NBEA: variants seen among roughly 807,000 people sequenced by gnomAD.
NBEA encodes the protein neurobeachin, also known as lysosomal-trafficking regulator 2.
Under a neutral mutation model 343.4 loss-of-function variants are expected in NBEA, and 44 were observed. That is an observed-to-expected ratio of 0.13 (90% CI 0.10 to 0.16). NBEA has a LOEUF of 0.16. Ranked by LOEUF, NBEA falls within the 10% of genes least tolerant of loss-of-function variation. The probability of loss-of-function intolerance (pLI) is 1.00; values close to 1 mark genes in which losing one functional copy is unlikely to be tolerated. For synonymous variants in NBEA, 1,175 were observed against 1,238.7 expected, an observed-to-expected ratio of 0.95 and a Z score of 1.08; for missense variants, 2,555 against 3,631.3, an observed-to-expected ratio of 0.70 and a Z score of 7.62.
intron 36 of NBEA, among the ~76,000 whole-genome samples, chr13:35,311,314 TAA>T (rs140991736): frequency 0.017 from 2,536 of 151,168 alleles, 26 homozygotes; most frequent in African/African-American, 0.025. Context: ...AACTGCGAAG[TAA>T]AAATATATAT....
intron 6 of NBEA, among the ~76,000 whole-genome samples, chr13:35,053,192 C>G (rs1379394660): frequency 6.6e-6 from 1 of 152,114 alleles, no homozygotes; most frequent in Non-Finnish European, 1.5e-5. Flanking sequence ...GTTTCACTTT[C>G]CTGCTCAGAA....
At chr13:35,541,186 C>G (rs1054425227) in intron 41 of NBEA, among the ~76,000 whole-genome samples, 13 of 151,848 alleles carry the variant, frequency 8.6e-5, no homozygotes, top group African/African-American at 3.1e-4. Context: ...TCCGTTGCCC[C>G]CCCACCCCCA....
intron 41 of NBEA, among the ~76,000 whole-genome samples, chr13:35,484,591 A>T (rs528761904): frequency 1.6e-3 from 187 of 116,548 alleles, no homozygotes; most frequent in Non-Finnish European, 2.0e-3. Context: ...GTGTTTAAAT[A>T]AAAAAAAAAT....
At chr13:35,354,603 G>GA (rs58770404) in intron 38 of NBEA, among the ~76,000 whole-genome samples, 3,329 of 149,608 alleles carry the variant, frequency 0.022, 121 homozygotes, top group African/African-American at 0.076. Context: ...CCAACTATCT[G>GA]AAAAAAAAAC....
At chr13:34,983,135 T>TA (rs1416388906) in intron 1 of NBEA, among the ~76,000 whole-genome samples, 1 of 152,190 alleles carries the variant, frequency 6.6e-6, no homozygotes, top group Non-Finnish European at 1.5e-5. Context: ...ACTCATCATT[T>TA]ACATTAGGTA....
chr13:35,185,369 A>T (rs2071620605), intron 30 of NBEA: 1 of 152,182 alleles, frequency 6.6e-6, no homozygotes, highest in South Asian at 2.1e-4. Context: ...GGAACAAATA[A>T]AGCTAGCAAA....
intron 45 of NBEA, among the ~76,000 whole-genome samples, chr13:35,573,243 T>G (rs1292801601): frequency 1.3e-5 from 2 of 152,214 alleles, no homozygotes; most frequent in Non-Finnish European, 2.9e-5. Flanking sequence ...ATTAATACTT[T>G]TATTCATTCA....
At chr13:35,513,600 A>G (rs2077370326) in intron 41 of NBEA, among the ~76,000 whole-genome samples, 1 of 151,946 alleles carries the variant, frequency 6.6e-6, no homozygotes, top group South Asian at 2.1e-4. Context: ...TTTTTTAAAT[A>G]TATTTCTAAT....
chr13:35,530,558 T>G (rs185777382), intron 41 of NBEA, among the ~76,000 whole-genome samples: 1 of 152,346 alleles, frequency 6.6e-6, no homozygotes, highest in Admixed American at 6.5e-5. Flanking sequence ...GTTTTTAGAT[T>G]TTCTGACACA....
chr13:35,199,795 TAAAC>T (rs1401148302), intron 31 of NBEA, among the ~76,000 whole-genome samples: 1 of 152,146 alleles, frequency 6.6e-6, no homozygotes, highest in Non-Finnish European at 1.5e-5. Context: ...TTAATTAAAA[TAAAC>T]CTTTTTTCTT....
chr13:35,243,959 C>T (rs1200141772), intron 34 of NBEA, among the ~76,000 whole-genome samples: 1 of 151,850 alleles, frequency 6.6e-6, no homozygotes, highest in Non-Finnish European at 1.5e-5. Flanking sequence ...TTCTAAAATG[C>T]ATATGGAGCA....
At chr13:35,604,471 G>A (rs1004342290) in intron 47 of NBEA, among the ~76,000 whole-genome samples, 1 of 150,416 alleles carries the variant, frequency 6.6e-6, no homozygotes, top group Non-Finnish European at 1.5e-5. Context: ...CCACAATAGG[G>A]CCCCTTTCTC....
At chr13:34,988,585 C>T (rs1027461986) in intron 1 of NBEA, among the ~76,000 whole-genome samples, 5 of 151,028 alleles carry the variant, frequency 3.3e-5, no homozygotes, top group East Asian at 3.9e-4. Flanking sequence ...TCTCTGTGGG[C>T]GTGGGATCCG....
At chr13:35,158,870 T>C (rs1016742174) in intron 21 of NBEA, 146 bp from the exon 22 acceptor site, 2 of 647,014 alleles carry the variant, frequency 3.1e-6, no homozygotes, top group South Asian at 2.8e-5. Context: ...AACTAAGCAC[T>C]TGCTTTAGGA....
chr13:35,165,684 CTTTTCT>C (rs202228060), intron 24 of NBEA, among the ~76,000 whole-genome samples: 2,286 of 146,770 alleles, frequency 0.016, 55 homozygotes, highest in African/African-American at 0.048. Context: ...CTTCTCTTTT[CTTTTCT>C]TTTTTTTTTT....
rs766782828 is a variant in NBEA, at chr13:35,040,946, A to T, written c.308A>T (p.Glu103Val). The change falls in exon 2 of 59, where the codon GAA becomes GTA. Residue 103 changes from glutamate (E) to valine (V), a missense_variant. By Grantham distance (121) the Glu-to-Val change is moderately radical. This residue lies in a region of NBEA where 185 missense variants were observed against 290.6 expected (regional missense o/e 0.64). Transcript: ENST00000379939. ...ETVLNLLVGG[E>V]FDLEMNFIIQ... ...GTTTACTTTCAGCTGGTTGGTGGAGAATTTGACTTGGAGATGAACTTTATT... is the reference window on the plus strand; with the variant it reads ...GTTTACTTTCAGCTGGTTGGTGGAGTATTTGACTTGGAGATGAACTTTATT... 8 of 1,612,680 alleles carry T rather than the reference A, an allele frequency of 5.0e-6. No homozygotes were observed. The highest frequency in any genetic ancestry group is 5.1e-6 in the Non-Finnish European group (6 of 1,179,130).
intron 31 of NBEA, among the ~76,000 whole-genome samples, chr13:35,203,189 T>C (rs751983027): frequency 1.9e-4 from 29 of 152,120 alleles, no homozygotes; most frequent in Non-Finnish European, 3.5e-4. Flanking sequence ...CATCCCTCTC[T>C]GAATAAAAGC....
At chr13:35,607,039 T>C (rs1414091112) in intron 48 of NBEA, among the ~76,000 whole-genome samples, 2 of 152,162 alleles carry the variant, frequency 1.3e-5, no homozygotes, top group African/African-American at 4.8e-5. Flanking sequence ...CATTCTGAAA[T>C]AGAAAACATC....
chr13:35,091,088 A>T (rs989381459), intron 10 of NBEA, among the ~76,000 whole-genome samples: 5 of 152,068 alleles, frequency 3.3e-5, no homozygotes, highest in Admixed American at 3.3e-4. Flanking sequence ...CCCAGCCCTC[A>T]TGTGGTCTTA....
Sources: allele counts gnomAD v4.1 joint callset (sites outside exome capture counted in the v4.1 genomes callset), GRCh38; gene constraint gnomAD v4.1.1; regional missense constraint gnomAD v4.1.1; transcripts MANE v1.5; gene names NCBI Gene and HGNC (gene_info 2026-07-23, HGNC 2026-07-21).